The following REDIC1 variants were observed in gnomAD, a reference collection of about 807,000 sequenced individuals.
The protein encoded by REDIC1 is HEI10 Interacting Protein 1.
At chr12:39,691,464 C>G in the REDIC1 span, among the ~76,000 whole-genome samples, 6 of 152,086 alleles carry the variant, frequency 3.9e-5, no homozygotes, top group Non-Finnish European at 5.9e-5. Flanking sequence ...TGGGTACATT[C>G]TCTAATCAAA....
At chr12:39,846,882 T>C in the REDIC1 span, among the ~76,000 whole-genome samples, 1 of 152,168 alleles carries the variant, frequency 6.6e-6, no homozygotes, top group African/African-American at 2.4e-5. Context: ...CAATGTTAAC[T>C]ATATAATAAA....
At chr12:39,701,876 G>A in the REDIC1 span, among the ~76,000 whole-genome samples, 11 of 151,912 alleles carry the variant, frequency 7.2e-5, no homozygotes, top group African/African-American at 1.2e-4. Flanking sequence ...AAATAAAGAT[G>A]TTCTTTGAAA....
the REDIC1 span, chr12:39,721,650 T>A: frequency 6.3e-6 from 1 of 157,886 alleles, no homozygotes; most frequent in South Asian, 1.9e-4. Flanking sequence ...AAATGTTCCC[T>A]TTCAAGATAT....
the REDIC1 span, among the ~76,000 whole-genome samples, chr12:39,706,279 C>G: frequency 0.74 from 111,747 of 151,784 alleles, 42,552 homozygotes; most frequent in Non-Finnish European, 0.84. Context: ...ATAATAAAGA[C>G]TATAAAACAC....
chr12:39,646,523 C>A, the REDIC1 span: 1 of 1,448,168 alleles, frequency 6.9e-7, no homozygotes, highest in Admixed American at 2.3e-5. Flanking sequence ...AACACTTTTA[C>A]TCACTCGAAA....
chr12:39,635,497 C>T, the REDIC1 span, among the ~76,000 whole-genome samples: 1 of 151,944 alleles, frequency 6.6e-6, no homozygotes, highest in Non-Finnish European at 1.5e-5. Context: ...TTTGCGGGGA[C>T]CTGGATGAAG....
At chr12:39,892,670 A>C in the REDIC1 span, among the ~76,000 whole-genome samples, 14 of 152,314 alleles carry the variant, frequency 9.2e-5, no homozygotes, top group South Asian at 2.9e-3. Context: ...TAATAAATAT[A>C]AATAGTAGCC....
the REDIC1 span, among the ~76,000 whole-genome samples, chr12:39,804,298 T>C: frequency 4.6e-5 from 7 of 152,302 alleles, no homozygotes; most frequent in African/African-American, 1.4e-4. Context: ...AATGTCATTA[T>C]AATAAAATGT....
chr12:39,642,622 A>G, the REDIC1 span, among the ~76,000 whole-genome samples: 2 of 151,720 alleles, frequency 1.3e-5, no homozygotes, highest in African/African-American at 4.8e-5. Context: ...GACACAATCA[A>G]TTATAAGATC....
At chr12:39,847,037 A>G in the REDIC1 span, among the ~76,000 whole-genome samples, 2 of 152,204 alleles carry the variant, frequency 1.3e-5, no homozygotes, top group East Asian at 3.9e-4. Flanking sequence ...AGAGATATTA[A>G]TGATTCCTTT....
At chr12:39,796,438 A>C in the REDIC1 span, among the ~76,000 whole-genome samples, 5 of 151,836 alleles carry the variant, frequency 3.3e-5, no homozygotes, top group Non-Finnish European at 4.4e-5. Flanking sequence ...AAAAAAAAAA[A>C]AAAAACCTAA....
At chr12:39,771,005 G>A in the REDIC1 span, among the ~76,000 whole-genome samples, 1 of 152,066 alleles carries the variant, frequency 6.6e-6, no homozygotes, top group Non-Finnish European at 1.5e-5. Context: ...TACCTCAAAA[G>A]GCTATTTTGA....
chr12:39,707,324 G>T, the REDIC1 span, among the ~76,000 whole-genome samples: 1 of 151,716 alleles, frequency 6.6e-6, no homozygotes, highest in Admixed American at 6.6e-5. Context: ...ATATCACCTC[G>T]TTTAAAATGA....
chr12:39,719,010 T>A, the REDIC1 span, among the ~76,000 whole-genome samples: 1 of 152,154 alleles, frequency 6.6e-6, no homozygotes, highest in Non-Finnish European at 1.5e-5. Flanking sequence ...AAAGCTACAT[T>A]TTTAATACAA....
the REDIC1 span, among the ~76,000 whole-genome samples, chr12:39,653,591 CCTCTTCTTCTTCT>C: frequency 2.9e-4 from 30 of 104,956 alleles, no homozygotes; most frequent in African/African-American, 9.7e-4. Flanking sequence ...TCTTCTTCTT[CCTCTTCTTCTTCT>C]TTTTTTTTTG....
the REDIC1 span, among the ~76,000 whole-genome samples, chr12:39,753,563 C>T: frequency 2.0e-5 from 3 of 152,084 alleles, no homozygotes; most frequent in African/African-American, 7.2e-5. Context: ...CAGATCAGCT[C>T]AAATCATTCT....
chr12:39,657,410 T>C, the REDIC1 span, among the ~76,000 whole-genome samples: 1 of 152,210 alleles, frequency 6.6e-6, no homozygotes, highest in African/African-American at 2.4e-5. Context: ...AATTGCCTAA[T>C]GACACATTTA....
chr12:39,657,574 A>G, the REDIC1 span, among the ~76,000 whole-genome samples: 1 of 152,224 alleles, frequency 6.6e-6, no homozygotes, highest in Non-Finnish European at 1.5e-5. Flanking sequence ...AGGGCTAGTC[A>G]ATCAGATTAT....
the REDIC1 span, among the ~76,000 whole-genome samples, chr12:39,653,022 A>G: frequency 3.3e-5 from 5 of 152,022 alleles, no homozygotes; most frequent in Admixed American, 6.5e-5. Context: ...GCAATTCCAT[A>G]TAAATTTTAG....
Sources: gnomAD v4.1 joint callset for allele counts (sites outside exome capture counted in the v4.1 genomes callset) on GRCh38, gnomAD v4.1.1 for gene constraint, MANE v1.5 for transcripts, NCBI Gene and HGNC (gene_info 2026-07-23, HGNC 2026-07-21) for gene names.